The following KYNU variants were observed in gnomAD, a reference collection of about 807,000 sequenced individuals.
KYNU encodes the protein kynureninase.
A neutral mutation model predicts 59.2 loss-of-function variants in KYNU; 54 were observed. The observed-to-expected ratio is 0.91, with a 90% CI of 0.73 to 1.14. The LOEUF (loss-of-function observed/expected upper bound fraction) is 1.14, where lower values mean the gene tolerates loss of function less well. Ranked by LOEUF, KYNU falls within the 50% of genes most tolerant of loss-of-function variation. The pLI, the probability that KYNU is intolerant of heterozygous loss-of-function variation, is 0.00. For missense variants in KYNU, 567 were observed against 554.4 expected (o/e 1.02, Z -0.23); for synonymous variants, 177 against 192.0 (o/e 0.92, Z 0.65).
At chr2:142,969,239 C>T (rs565280556) in intron 8 of KYNU, among the ~76,000 whole-genome samples, 49 of 151,974 alleles carry the variant, frequency 3.2e-4, no homozygotes, top group African/African-American at 9.9e-4. Flanking sequence ...TGTATATGTA[C>T]GTGTATATAT....
intron 11 of KYNU, among the ~76,000 whole-genome samples, chr2:143,032,299 A>C (rs1226313896): frequency 7.1e-5 from 6 of 84,396 alleles, no homozygotes; most frequent in African/African-American, 2.0e-4. Flanking sequence ...CAAAAAAAAA[A>C]AACAAAACAA....
chr2:142,956,696 A>G (rs1259669660), intron 6 of KYNU, among the ~76,000 whole-genome samples: 1 of 152,188 alleles, frequency 6.6e-6, no homozygotes, highest in East Asian at 1.9e-4. Flanking sequence ...GCTAGCATAA[A>G]TGTTGGCCCA....
At chr2:142,927,515 GT>G (rs1683082223) in intron 3 of KYNU, 143 bp from the exon 4 acceptor site, 2 of 596,556 alleles carry the variant, frequency 3.4e-6, no homozygotes, top group Non-Finnish European at 6.1e-6. Flanking sequence ...TATATATTTT[GT>G]TTTAAAAAGG....
chr2:143,035,028 C>G (rs1260802047), intron 12 of KYNU, among the ~76,000 whole-genome samples: 1 of 152,190 alleles, frequency 6.6e-6, no homozygotes, highest in African/African-American at 2.4e-5. Context: ...CATTCCTATT[C>G]TTCCAGCCAC....
intron 10 of KYNU, among the ~76,000 whole-genome samples, chr2:143,005,172 G>T (rs889416075): frequency 2.6e-5 from 4 of 152,172 alleles, no homozygotes; most frequent in Admixed American, 6.5e-5. Context: ...TCTGACACTA[G>T]CAAATTCATT....
intron 4 of KYNU, among the ~76,000 whole-genome samples, chr2:142,944,365 T>G (rs1683705674): frequency 6.6e-6 from 1 of 152,166 alleles, no homozygotes; most frequent in Non-Finnish European, 1.5e-5. Flanking sequence ...TATCTTCTGG[T>G]AAAGCAAAAA....
intron 2 of KYNU, among the ~76,000 whole-genome samples, chr2:142,899,570 T>C (rs1425073051): frequency 1.3e-5 from 2 of 152,152 alleles, no homozygotes; most frequent in Non-Finnish European, 2.9e-5. Flanking sequence ...TCCTGCTGAA[T>C]TGGGGCATAG....
chr2:143,035,684 G>A lies in KYNU; in HGVS notation c.1041+2363G>A, dbSNP rs555431053. Among the ~76,000 whole-genome samples the A allele has an allele frequency of 2.6e-5, 4 of 152,238 alleles. No homozygotes were observed. The East Asian group carries it at 7.7e-4, about 29-fold the overall frequency. Reference sequence around the variant, plus strand: ...TGGCTTAGCATGGCCTCAAACTCCTGGGGTTCAAGTGATCCTCCTGCCCCC... The same window carrying A: ...TGGCTTAGCATGGCCTCAAACTCCTAGGGTTCAAGTGATCCTCCTGCCCCC... On this transcript the variant is annotated intron_variant, in intron 12 of 13. Coordinates refer to ENST00000264170, the MANE Select transcript of KYNU (RefSeq NM_003937.3).
intron 2 of KYNU, among the ~76,000 whole-genome samples, chr2:142,918,377 A>G (rs1420073240): frequency 6.6e-6 from 1 of 152,170 alleles, no homozygotes; most frequent in Non-Finnish European, 1.5e-5. Context: ...CATGGAGCAC[A>G]GTAAATATGA....
chr2:142,985,919 C>T, intron 9 of KYNU, 29 bp from the exon 10 acceptor site: 3 of 1,464,792 alleles, frequency 2.0e-6, no homozygotes, highest in Non-Finnish European at 2.9e-6. Flanking sequence ...TTAAGTAAAC[C>T]CACATAATTT....
intron 2 of KYNU, among the ~76,000 whole-genome samples, chr2:142,913,499 A>T (rs1456703717): frequency 1.3e-5 from 2 of 152,084 alleles, no homozygotes; most frequent in Non-Finnish European, 2.9e-5. Context: ...GTAATAGTGT[A>T]CTTCTGAGAG....
intron 2 of KYNU, among the ~76,000 whole-genome samples, chr2:142,888,471 T>G (rs557011495): frequency 6.6e-6 from 1 of 152,146 alleles, no homozygotes; most frequent in South Asian, 2.1e-4. Context: ...ATAACAATAA[T>G]TATTCTAATA....
chr2:142,987,169 C>T (rs560405194), intron 10 of KYNU, among the ~76,000 whole-genome samples: 39 of 151,850 alleles, frequency 2.6e-4, no homozygotes, highest in Non-Finnish European at 5.0e-4. Context: ...ATGTTTTCCA[C>T]ATAGACAGTA....
In KYNU at chr2:142,977,323, T is replaced by C. The variant is rs189587538; in HGVS notation, c.730-7761T>C. Among the ~76,000 whole-genome samples the C allele has an allele frequency of 5.1e-4, 74 of 145,724 alleles. 1 individual carries two copies. The highest frequency in any genetic ancestry group is 1.8e-3 in the African/African-American group (71 of 39,196). ...TTGGTGCTCAACTAAAATGTGAGCA[T>C]TTAGAATTGATTTTCAGGTGGCTAG... On this transcript the variant is annotated intron_variant, in intron 8 of 13. Transcript: ENST00000264170.
chr2:142,918,698 C>A lies in KYNU; in HGVS notation c.259C>A (p.Leu87Ile). 3 of 1,611,164 alleles carry A rather than the reference C, an allele frequency of 1.9e-6. No homozygotes were observed. The highest frequency in any genetic ancestry group is 1.7e-6 in the Non-Finnish European group (2 of 1,178,614). Reference protein sequence around the residue: ...GLQPKMVKTYLEEELDKWAKI... With the variant: ...GLQPKMVKTYIEEELDKWAKI... ...TCAACCAAAAATGGTTAAAACATAT[C>A]TTGAAGAAGAACTAGATAAGTGGGC... Residue 87 changes from leucine to isoleucine, a missense_variant, in exon 3 of 14, where the codon CTT becomes ATT. Physicochemically the swap from Leu to Ile is conservative, Grantham distance 5. Transcript: ENST00000264170.
At chr2:142,912,371 C>CTTTTTTTTTTTTTTTTTTT (rs60854220) in intron 2 of KYNU, among the ~76,000 whole-genome samples, 1 of 89,510 alleles carries the variant, frequency 1.1e-5, no homozygotes, top group Admixed American at 1.3e-4. Context: ...TTTTGTATTT[C>CTTTTTTTTTTTTTTTTTTT]TTTTTTTTTT....
chr2:143,015,808 T>G (rs1278783233), intron 10 of KYNU, among the ~76,000 whole-genome samples: 1 of 152,114 alleles, frequency 6.6e-6, no homozygotes, highest in Non-Finnish European at 1.5e-5. Context: ...GTGACGTCAG[T>G]TTGGAAGCTC....
At chr2:142,969,027 A>G (rs1162513443) in intron 8 of KYNU, among the ~76,000 whole-genome samples, 1 of 152,162 alleles carries the variant, frequency 6.6e-6, no homozygotes, top group African/African-American at 2.4e-5. Context: ...CTCAGGGGAA[A>G]TCATTTTTAT....
At chr2:142,919,143 G>C (rs963776959) in intron 3 of KYNU, among the ~76,000 whole-genome samples, 1 of 152,190 alleles carries the variant, frequency 6.6e-6, no homozygotes, top group African/African-American at 2.4e-5. Flanking sequence ...TGAATCCATA[G>C]AGAGGGAATC....
Sources: gnomAD v4.1 joint callset for allele counts (sites outside exome capture counted in the v4.1 genomes callset) on GRCh38, gnomAD v4.1.1 for gene constraint, MANE v1.5 for transcripts, NCBI Gene and HGNC (gene_info 2026-07-23, HGNC 2026-07-21) for gene names.